The following SYTL2 variants were observed in gnomAD, a reference collection of about 807,000 sequenced individuals.
The protein encoded by SYTL2 is synaptotagmin-like protein 2.
In SYTL2, 165 loss-of-function variants were observed where a neutral mutation model predicts 198.7. The observed-to-expected ratio is 0.83, with a 90% CI of 0.73 to 0.94. The LOEUF (loss-of-function observed/expected upper bound fraction) is 0.94, where lower values mean the gene tolerates loss of function less well. SYTL2 is among the 40% of genes least tolerant of loss of function. The pLI, the probability that SYTL2 is intolerant of heterozygous loss-of-function variation, is 0.00. For synonymous variants in SYTL2, 966 were observed against 917.7 expected (o/e 1.05, Z -0.95); for missense variants, 2,835 against 2,582.8 (o/e 1.10, Z -2.12).
intron 1 of SYTL2, among the ~76,000 whole-genome samples, chr11:85,786,049 T>C (rs1321375718): frequency 6.6e-6 from 1 of 152,188 alleles, no homozygotes; most frequent in Non-Finnish European, 1.5e-5. Flanking sequence ...GGTACATCCA[T>C]ACCGTGGGAT....
chr11:85,774,830 T>C (rs564287008), intron 1 of SYTL2, among the ~76,000 whole-genome samples: 1 of 152,254 alleles, frequency 6.6e-6, no homozygotes, highest in African/African-American at 2.4e-5. Flanking sequence ...TAGTACTTCA[T>C]TAATTAGGGT....
chr11:85,791,008 A>G (rs149866876), intron 1 of SYTL2, among the ~76,000 whole-genome samples: 3,152 of 151,780 alleles, frequency 0.021, 59 homozygotes, highest in Admixed American at 0.039. Context: ...TACTAAAAAT[A>G]CAAAAAAAAT....
chr11:85,725,579 G>A lies in SYTL2; in HGVS notation c.3779C>T (p.Ser1260Leu). The change falls in exon 8 of 20, where the codon TCA becomes TTA. Residue 1260 changes from serine to leucine, a missense_variant. By Grantham distance (145) the Ser-to-Leu change is moderately radical. Transcript: ENST00000359152. The part of the protein sequence containing the change: ...GKGIEQSHNT[S>L]ADKREILAPF... Reference sequence around the variant, plus strand: ...AGCTAGTATTTCTCTCTTATCAGCTGAAGTATTGTGACTCTGTTCTATCCC... The same window carrying A: ...AGCTAGTATTTCTCTCTTATCAGCTAAAGTATTGTGACTCTGTTCTATCCC... The A allele has an allele frequency of 1.9e-6, 3 of 1,614,028 alleles. No individual in the cohort carries two copies. The South Asian group carries it at 3.3e-5, about 18-fold the overall frequency.
intron 1 of SYTL2, among the ~76,000 whole-genome samples, chr11:85,805,689 T>C (rs899631432): frequency 2.0e-5 from 3 of 152,208 alleles, no homozygotes; most frequent in Non-Finnish European, 4.4e-5. Flanking sequence ...TGTCAAGACT[T>C]ACAGTAAAAC....
chr11:85,809,744 A>T (rs1216952660), intron 1 of SYTL2, among the ~76,000 whole-genome samples: 1 of 152,184 alleles, frequency 6.6e-6, no homozygotes, highest in Non-Finnish European at 1.5e-5. Flanking sequence ...AGTGCCCACT[A>T]AACAGCAGTC....
intron 7 of SYTL2, among the ~76,000 whole-genome samples, chr11:85,733,280 T>C (rs1196136406): frequency 6.6e-6 from 1 of 152,242 alleles, no homozygotes. Flanking sequence ...ATTTACCCTG[T>C]ACAAAGGTAT....
At chr11:85,704,665 T>C (rs536057329) in intron 16 of SYTL2, among the ~76,000 whole-genome samples, 193 bp downstream of exon 16, 1 of 152,316 alleles carries the variant, frequency 6.6e-6, no homozygotes, top group East Asian at 1.9e-4. Context: ...CTTCCTGAAG[T>C]CTCTGAAACA....
At chr11:85,743,424 TCTTGC>T (rs1256734722) in intron 4 of SYTL2, among the ~76,000 whole-genome samples, 1 of 152,236 alleles carries the variant, frequency 6.6e-6, no homozygotes, top group East Asian at 1.9e-4. Flanking sequence ...ACATCTTTAT[TCTTGC>T]CTTCTCAAAC....
At chr11:85,771,661 G>T (rs532015568) in intron 1 of SYTL2, among the ~76,000 whole-genome samples, 24 of 152,158 alleles carry the variant, frequency 1.6e-4, no homozygotes, top group Admixed American at 7.2e-4. Context: ...CAGTCTAGTT[G>T]GCAGTGTCAT....
Position 85,727,049 on chromosome 11 carries a change from A to G in SYTL2, c.2309T>C (p.Val770Ala). Reference protein sequence around the residue: ...NNGSPWKKPEVQFQQEAGEVP... With the variant: ...NNGSPWKKPEAQFQQEAGEVP... ...CTCACCAGCTTCTTGCTGGAATTGG[A>G]CCTCAGGCTTCTTCCAAGGAGAGCC... Residue 770 changes from valine to alanine, a missense_variant, in exon 8 of 20, where the codon GTC (valine) becomes GCC (alanine). Transcript: ENST00000359152. 1 of 1,536,220 alleles carries G rather than the reference A, an allele frequency of 6.5e-7. No homozygotes were observed. The highest frequency in any genetic ancestry group is 8.7e-7 in the Non-Finnish European group (1 of 1,146,924).
intron 18 of SYTL2, among the ~76,000 whole-genome samples, chr11:85,697,352 C>T (rs1410904404): frequency 1.3e-5 from 2 of 152,224 alleles, no homozygotes; most frequent in East Asian, 1.9e-4. Context: ...ATATATGTCA[C>T]ATATATTTAA....
the SYTL2 span, among the ~76,000 whole-genome samples, chr11:85,841,946 G>C: frequency 6.6e-6 from 1 of 152,170 alleles, no homozygotes; most frequent in Non-Finnish European, 1.5e-5. Flanking sequence ...TCACAGTATG[G>C]CATGCCTGGT....
chr11:85,752,942 A>C (rs1273921485), intron 2 of SYTL2, among the ~76,000 whole-genome samples: 2 of 142,904 alleles, frequency 1.4e-5, no homozygotes, highest in African/African-American at 2.7e-5. Flanking sequence ...AAAAAAAAAA[A>C]AAAAAAAAAC....
chr11:85,838,776 G>A, the SYTL2 span, among the ~76,000 whole-genome samples: 1 of 152,152 alleles, frequency 6.6e-6, no homozygotes, highest in African/African-American at 2.4e-5. Flanking sequence ...TTTGGATGGG[G>A]ATAAATATCC....
intron 16 of SYTL2, among the ~76,000 whole-genome samples, chr11:85,704,333 T>C (rs1350879489): frequency 6.6e-6 from 1 of 152,016 alleles, no homozygotes; most frequent in African/African-American, 2.4e-5. Flanking sequence ...CAAGAAAATA[T>C]AACAATTACA....
rs555016332 is a variant in SYTL2, at chr11:85,727,271, T to C, written c.2087A>G (p.Glu696Gly). The C allele has an allele frequency of 6.5e-7, 1 of 1,535,076 alleles. No individual in the cohort carries two copies. The highest frequency in any genetic ancestry group is 1.4e-5 in the African/African-American group (1 of 73,010). Residue 696 changes from glutamate (E) to glycine (G), a missense_variant, in exon 8 of 20, where the codon GAA (glutamate) becomes GGA (glycine). Physicochemically the swap from Glu to Gly is moderately conservative, Grantham distance 98 (BLOSUM62 -2). Coordinates refer to ENST00000359152, the MANE Select transcript of SYTL2 (RefSeq NM_206927.4). ...TTCATGAGCATGAAACTTGGGTTCTTCTTCACCCAAGTTGCCAATATTATT... is the reference window on the plus strand; with the variant it reads ...TTCATGAGCATGAAACTTGGGTTCTCCTTCACCCAAGTTGCCAATATTATT... ...NTNNIGNLGE[E>G]EPKFHAHEEN...
chr11:85,733,949 T>C lies in SYTL2; in HGVS notation c.1380A>G (p.Arg460=). Reference sequence around the variant, plus strand: ...TGACAACTCTCTTACCAGCAGGGCTTCTGGGTAATACAGATTCAAGCCTTG... The same window carrying C: ...TGACAACTCTCTTACCAGCAGGGCTCCTGGGTAATACAGATTCAAGCCTTG... ...ELTRLESVLP[R]SPADELSHCV... is the part of the protein sequence containing the mutation. Residue 460 remains arginine (R), a synonymous_variant, in exon 7 of 20, where the codon AGA becomes AGG. Transcript: ENST00000359152. 6.2e-7 allele frequency: 1 copy of C among 1,613,666 alleles called. No homozygotes were observed. Among genetic ancestry groups the C allele is most frequent in the Non-Finnish European group, 8.5e-7 (1 of 1,179,752 alleles).
intron 1 of SYTL2, among the ~76,000 whole-genome samples, chr11:85,804,177 TATTA>T (rs1310246113): frequency 1.3e-5 from 2 of 152,210 alleles, no homozygotes; most frequent in African/African-American, 2.4e-5. Context: ...ACTTAAACTT[TATTA>T]ATTATTACTA....
intron 15 of SYTL2, among the ~76,000 whole-genome samples, chr11:85,705,473 CAG>C (rs977740082): frequency 5.9e-5 from 9 of 152,088 alleles, no homozygotes; most frequent in Non-Finnish European, 7.4e-5. Context: ...GCAGAAAGAA[CAG>C]AGTTCCCATA....
Sources: allele counts gnomAD v4.1 joint callset (sites outside exome capture counted in the v4.1 genomes callset), GRCh38; gene constraint gnomAD v4.1.1; transcripts MANE v1.5; gene names NCBI Gene and HGNC (gene_info 2026-07-23, HGNC 2026-07-21).